DGKG: variants seen among roughly 807,000 people sequenced by gnomAD.
DGKG encodes diacylglycerol kinase gamma, also known as DAG kinase gamma.
A neutral mutation model predicts 105.3 loss-of-function variants in DGKG; 78 were observed. That is an observed-to-expected ratio of 0.74 (90% CI 0.62 to 0.89). DGKG has a LOEUF of 0.89. Ranked by LOEUF, DGKG falls within the 40% of genes least tolerant of loss-of-function variation. The probability of loss-of-function intolerance (pLI) is 0.00; values close to 1 mark genes in which losing one functional copy is unlikely to be tolerated. For missense variants in DGKG, 958 were observed against 1,020.1 expected (o/e 0.94, Z 0.83); for synonymous variants, 346 against 367.1 (o/e 0.94, Z 0.66).
intron 1 of DGKG, among the ~76,000 whole-genome samples, chr3:186,340,591 G>A (rs568533463): frequency 6.6e-6 from 1 of 152,164 alleles, no homozygotes; most frequent in South Asian, 2.1e-4. Flanking sequence ...CCACCCTGTT[G>A]CTGATGGAAT....
chr3:186,336,461 C>A (rs747365001), intron 1 of DGKG, among the ~76,000 whole-genome samples: 1 of 152,112 alleles, frequency 6.6e-6, no homozygotes, highest in African/African-American at 2.4e-5. Context: ...GCTTAAAGGA[C>A]ACTTTGCAGC....
At chr3:186,262,900 A>G (rs1721844306) in intron 14 of DGKG, among the ~76,000 whole-genome samples, 1 of 152,194 alleles carries the variant, frequency 6.6e-6, no homozygotes, top group Non-Finnish European at 1.5e-5. Flanking sequence ...AGGCCGGGGC[A>G]GGAGCATCAC....
chr3:186,302,552 A>G (rs902215813), intron 3 of DGKG, among the ~76,000 whole-genome samples: 26 of 31,580 alleles, frequency 8.2e-4, no homozygotes, highest in Non-Finnish European at 1.8e-3. Context: ...ATATATATAT[A>G]TATATACACA....
chr3:186,217,849 T>C (rs1282483098), intron 20 of DGKG, among the ~76,000 whole-genome samples: 1 of 152,204 alleles, frequency 6.6e-6, no homozygotes, highest in East Asian at 1.9e-4. Flanking sequence ...ATGAAAACAT[T>C]TATTTGGGCT....
intron 3 of DGKG, among the ~76,000 whole-genome samples, chr3:186,303,922 A>G (rs1188186199): frequency 6.6e-6 from 1 of 152,226 alleles, no homozygotes; most frequent in Non-Finnish European, 1.5e-5. Flanking sequence ...AGAGAAATTA[A>G]ACCCTTCTTA....
intron 21 of DGKG, among the ~76,000 whole-genome samples, chr3:186,189,105 G>A (rs983704929): frequency 3.3e-5 from 5 of 152,072 alleles, no homozygotes; most frequent in Non-Finnish European, 5.9e-5. Context: ...GAGCCACCAC[G>A]CCTGGCCAGA....
Position 186,267,626 on chromosome 3 carries a change from C to G in DGKG, c.1209+59G>C, listed in dbSNP as rs920186300. ...AAGGATGTGAATGTCTGAAAGCTGCCTACATCTGAAACCAGAACCCGGAGA... is the reference window on the plus strand; with the variant it reads ...AAGGATGTGAATGTCTGAAAGCTGCGTACATCTGAAACCAGAACCCGGAGA... On this transcript the variant is annotated intron_variant, in intron 13 of 24. Coordinates refer to ENST00000265022, the MANE Select transcript of DGKG (RefSeq NM_001346.3). The G allele has an allele frequency of 7.4e-6, 10 of 1,354,792 alleles. No individual in the cohort carries two copies. The East Asian group carries it at 2.1e-4, about 28-fold the overall frequency. The allele number at this position is 1,354,792 out of a possible 1,614,324, so 83.9% of individuals were successfully genotyped here.
At chr3:186,249,005 C>G (rs930619466) in intron 19 of DGKG, among the ~76,000 whole-genome samples, 6 of 152,220 alleles carry the variant, frequency 3.9e-5, no homozygotes, top group South Asian at 4.1e-4. Context: ...ATGGGAAGCC[C>G]ACGCTCCAGA....
rs741481 is a variant in DGKG at position 186,210,274 on chromosome 3, C to T, written c.1917+1521G>A. On this transcript the variant is annotated intron_variant, in intron 21 of 24. Transcript: ENST00000265022. This position sits in a 1 kb window ranked among gnomAD's most constrained non-coding sequence, Gnocchi z 5.2. ...TTGTGGTATATTTAAAGAGACCTCA[C>T]CAGACGGCTGTGCCAAGGGGAAAAA... is the stretch of plus-strand genomic sequence containing the variant. Among the ~76,000 whole-genome samples, 88,700 of 152,106 alleles carry T rather than the reference C, an allele frequency of 0.58. 26,352 individuals carry two copies. The highest frequency in any genetic ancestry group is 0.93 in the East Asian group (4,791 of 5,162).
At chr3:186,240,087 G>A (rs867583408) in intron 20 of DGKG, among the ~76,000 whole-genome samples, 6 of 151,860 alleles carry the variant, frequency 4.0e-5, no homozygotes, top group Admixed American at 1.3e-4. Context: ...TTCCTCTGCC[G>A]AGACCATACA....
intron 20 of DGKG, among the ~76,000 whole-genome samples, chr3:186,236,398 G>A (rs934594721): frequency 2.6e-5 from 4 of 152,114 alleles, no homozygotes; most frequent in Non-Finnish European, 5.9e-5. Context: ...TGTTTATTGC[G>A]AACCTCCTGT....
At chr3:186,184,730 T>C (rs1717537726) in intron 22 of DGKG, among the ~76,000 whole-genome samples, 1 of 152,098 alleles carries the variant, frequency 6.6e-6, no homozygotes, top group South Asian at 2.1e-4. Flanking sequence ...ACCCCTCCCA[T>C]CATCATTTCC....
chr3:186,277,040 CT>C (rs1467388127), intron 9 of DGKG, among the ~76,000 whole-genome samples: 2 of 152,194 alleles, frequency 1.3e-5, no homozygotes, highest in African/African-American at 4.8e-5. Flanking sequence ...TCAAACCCTG[CT>C]TCTTCCAGGA....
At chr3:186,271,863 T>C (rs1388298791) in intron 11 of DGKG, among the ~76,000 whole-genome samples, 2 of 152,190 alleles carry the variant, frequency 1.3e-5, no homozygotes, top group Non-Finnish European at 2.9e-5. Flanking sequence ...CCAATTTGTG[T>C]TCAAGACACA....
At position 186,294,030 on chromosome 3, in the gene DGKG, TA is replaced by T. The variant is rs1435286639; in HGVS notation, c.373+3390del. Among the ~76,000 whole-genome samples, 11 of 152,328 alleles carry T rather than the reference TA, an allele frequency of 7.2e-5. No individual in the cohort carries two copies. In the East Asian group the frequency reaches 2.1e-3, roughly 29 times the overall value. ...TAATTGCCCTTTCATGATTTTACTATAGGGGGCTGATTTTTCCCATACACAA... is the reference window on the plus strand; with the variant it reads ...TAATTGCCCTTTCATGATTTTACTATGGGGGCTGATTTTTCCCATACACAA... On this transcript the variant is annotated intron_variant, in intron 5 of 24. Coordinates refer to ENST00000265022, the MANE Select transcript of DGKG (RefSeq NM_001346.3).
At chr3:186,245,453 T>C (rs1262980090) in intron 19 of DGKG, among the ~76,000 whole-genome samples, 1 of 152,222 alleles carries the variant, frequency 6.6e-6, no homozygotes, top group Non-Finnish European at 1.5e-5. Context: ...CCTGAGCATA[T>C]TTACAATCAG....
chr3:186,326,093 T>C (rs771192177), intron 1 of DGKG, among the ~76,000 whole-genome samples: 11 of 152,148 alleles, frequency 7.2e-5, no homozygotes, highest in Non-Finnish European at 1.5e-4. Context: ...AGGACAGAGC[T>C]AGAAAATAGA....
chr3:186,207,416 C>A (rs1306131939), intron 21 of DGKG: 10 of 981,150 alleles, frequency 1.0e-5, no homozygotes, highest in Admixed American at 6.2e-5. Flanking sequence ...CTCAGGTGAG[C>A]TTCTTACCTT....
At chr3:186,162,548 G>A (rs1716345899) in intron 23 of DGKG, among the ~76,000 whole-genome samples, 1 of 152,136 alleles carries the variant, frequency 6.6e-6, no homozygotes, top group African/African-American at 2.4e-5. Flanking sequence ...TTTTTGTTTT[G>A]TTTTGTTTTT....
Sources: allele counts gnomAD v4.1 joint callset (sites outside exome capture counted in the v4.1 genomes callset), GRCh38; gene constraint gnomAD v4.1.1; non-coding constraint Gnocchi (gnomAD v3.1); transcripts MANE v1.5; gene names NCBI Gene and HGNC (gene_info 2026-07-23, HGNC 2026-07-21).